ZNF804B: variants seen among roughly 807,000 people sequenced by gnomAD.
ZNF804B encodes zinc finger 804B.
In ZNF804B, 80 loss-of-function variants were observed where a neutral mutation model predicts 101.4. The observed-to-expected ratio is 0.79, with a 90% CI of 0.66 to 0.95. The LOEUF is 0.95. ZNF804B is among the 40% of genes least tolerant of loss of function. The pLI is 0.00. For missense variants in ZNF804B, 1,673 were observed against 1,561.9 expected (o/e 1.07, Z -1.20); for synonymous variants, 622 against 558.8 (o/e 1.11, Z -1.59).
intron 2 of ZNF804B, among the ~76,000 whole-genome samples, chr7:89,248,320 G>T (rs1273690717): frequency 1.3e-5 from 2 of 152,006 alleles, no homozygotes; most frequent in African/African-American, 4.8e-5. Context: ...TCTGTTCACG[G>T]TGAATGCTAA....
chr7:88,953,170 C>T (rs1485683440), intron 1 of ZNF804B, among the ~76,000 whole-genome samples: 1 of 151,836 alleles, frequency 6.6e-6, no homozygotes, highest in African/African-American at 2.4e-5. Context: ...CTATGTGATT[C>T]GATTCCAGTA....
intron 1 of ZNF804B, among the ~76,000 whole-genome samples, chr7:88,935,632 A>G (rs1399227609): frequency 6.6e-6 from 1 of 151,968 alleles, no homozygotes; most frequent in Non-Finnish European, 1.5e-5. Flanking sequence ...CTGTTTCTCA[A>G]ATTCCTTCAG....
chr7:88,856,236 G>A (rs1374678663), intron 1 of ZNF804B, among the ~76,000 whole-genome samples: 2 of 152,148 alleles, frequency 1.3e-5, no homozygotes, highest in Non-Finnish European at 2.9e-5. Flanking sequence ...TCCTACCCAC[G>A]AGCATGGAAT....
chr7:89,291,474 A>T (rs1047122503), intron 2 of ZNF804B, among the ~76,000 whole-genome samples: 1 of 152,214 alleles, frequency 6.6e-6, no homozygotes, highest in Admixed American at 6.5e-5. Flanking sequence ...TTAGTTGAAA[A>T]ATGCAATTAA....
At chr7:89,297,853 T>C (rs549232632) in intron 2 of ZNF804B, among the ~76,000 whole-genome samples, 80 of 151,514 alleles carry the variant, frequency 5.3e-4, no homozygotes, top group African/African-American at 1.8e-3. Context: ...AATTCCAAAG[T>C]TGGGAAATTT....
chr7:89,298,308 T>C (rs921393851), intron 2 of ZNF804B, among the ~76,000 whole-genome samples: 8 of 140,920 alleles, frequency 5.7e-5, no homozygotes, highest in Non-Finnish European at 9.2e-5. Context: ...ATTACATAGG[T>C]ATACACGTGC....
chr7:89,279,259 A>G (rs1226376984), intron 2 of ZNF804B, among the ~76,000 whole-genome samples: 3 of 151,976 alleles, frequency 2.0e-5, no homozygotes, highest in Non-Finnish European at 2.9e-5. Context: ...GGGCTGAGAC[A>G]GTGGGGTTTT....
chr7:89,220,017 G>GCATATATATGTA (rs1212100012), intron 2 of ZNF804B, among the ~76,000 whole-genome samples: 10 of 124,782 alleles, frequency 8.0e-5, no homozygotes, highest in Non-Finnish European at 1.2e-4. Flanking sequence ...ATATATGTGT[G>GCATATATATGTA]TATACATATA....
In ZNF804B at chr7:89,200,240, C is replaced by T. The variant is rs371223640; in HGVS notation, c.109-17915C>T. ...ACTCTTAATTAGATGTAACATGCTT[C>T]CTTCGTTTCTCAAGTTTTATCTCTA... is the stretch of plus-strand genomic sequence containing the variant. On this transcript the variant is annotated intron_variant, in intron 1 of 3. Transcript: ENST00000333190. Among the ~76,000 whole-genome samples the T allele has an allele frequency of 3.3e-5, 5 of 151,974 alleles. No homozygotes were observed. The South Asian group carries it at 6.2e-4, about 19-fold the overall frequency.
intron 1 of ZNF804B, among the ~76,000 whole-genome samples, chr7:89,059,023 C>G (rs1431014605): frequency 2.6e-5 from 4 of 152,142 alleles, no homozygotes; most frequent in African/African-American, 9.7e-5. Flanking sequence ...CTAAATAATT[C>G]TCTTTTGGTC....
Position 88,925,189 on chromosome 7 carries a change from C to T in ZNF804B, c.108+165105C>T, listed in dbSNP as rs529251669. Among the ~76,000 whole-genome samples the T allele has an allele frequency of 2.6e-5, 4 of 152,122 alleles. No homozygotes were observed. The East Asian group carries it at 7.8e-4, about 29-fold the overall frequency. On this transcript the variant is annotated intron_variant, in intron 1 of 3. Coordinates refer to ENST00000333190, the MANE Select transcript of ZNF804B (RefSeq NM_181646.5). ...AGATCTTAGAGCTGAGCATAATTAC[C>T]CCACTCACTGTCCTCTGAGGCCATC...
rs1793210663 is a variant in ZNF804B, at chr7:88,951,091, T to C, written c.108+191007T>C. Among the ~76,000 whole-genome samples, 3 of 152,000 alleles carry C rather than the reference T, an allele frequency of 2.0e-5. No individual in the cohort carries two copies. The South Asian group carries it at 6.2e-4, about 31-fold the overall frequency. On this transcript the variant is annotated intron_variant, in intron 1 of 3. Transcript: ENST00000333190. ...TGAATTTTTCTACTTTGCAGGAATT[T>C]GTGCAATTTCTCCAAATAAGAAATA...
chr7:88,998,835 T>C (rs1396499509), intron 1 of ZNF804B, among the ~76,000 whole-genome samples: 1 of 152,052 alleles, frequency 6.6e-6, no homozygotes, highest in East Asian at 1.9e-4. Flanking sequence ...CACAAAGTGC[T>C]TTGGCCTCCT....
intron 2 of ZNF804B, among the ~76,000 whole-genome samples, chr7:89,222,186 G>A (rs1307647414): frequency 6.6e-6 from 1 of 151,938 alleles, no homozygotes; most frequent in Non-Finnish European, 1.5e-5. Flanking sequence ...AGAAGCAAAT[G>A]ATTCACTATG....
chr7:89,228,514 CCTACCAGAGTAG>C (rs2115731329), intron 2 of ZNF804B, among the ~76,000 whole-genome samples: 1 of 151,986 alleles, frequency 6.6e-6, no homozygotes, highest in Non-Finnish European at 1.5e-5. Flanking sequence ...TCTCCAAGTC[CCTACCAGAGTAG>C]CTAGATACAG....
intron 1 of ZNF804B, among the ~76,000 whole-genome samples, chr7:88,994,322 ATTT>A (rs1408835972): frequency 6.6e-6 from 1 of 151,892 alleles, no homozygotes; most frequent in Non-Finnish European, 1.5e-5. Context: ...TTTCCCATTT[ATTT>A]TTGCAAAAGC....
chr7:89,278,997 TC>T (rs1442231344), intron 2 of ZNF804B, among the ~76,000 whole-genome samples: 3 of 152,222 alleles, frequency 2.0e-5, no homozygotes, highest in African/African-American at 7.2e-5. Context: ...GGAATGTTCT[TC>T]CATTTGTTTG....
intron 1 of ZNF804B, among the ~76,000 whole-genome samples, chr7:88,848,732 C>T (rs1170276059): frequency 4.1e-5 from 6 of 147,486 alleles, no homozygotes; most frequent in Admixed American, 1.4e-4. Flanking sequence ...GAAAAAGTTT[C>T]GGGGACAAGA....
At chr7:89,218,114 AG>A (rs1159786960) in intron 1 of ZNF804B, 40 bp from the exon 2 acceptor site, 1 of 1,586,370 alleles carries the variant, frequency 6.3e-7, no homozygotes, top group Admixed American at 1.7e-5. Context: ...TTATGCTATT[AG>A]AGAGAAGTCT....
Sources: allele counts gnomAD v4.1 joint callset (sites outside exome capture counted in the v4.1 genomes callset), GRCh38; gene constraint gnomAD v4.1.1; transcripts MANE v1.5; gene names NCBI Gene and HGNC (gene_info 2026-07-23, HGNC 2026-07-21).